Variants in COL28A1 observed in about 807,000 individuals in gnomAD.
The protein encoded by COL28A1 is collagen type XXVIII alpha 1 chain.
A neutral mutation model predicts 150.2 loss-of-function variants in COL28A1; 161 were observed. The observed-to-expected ratio is 1.07, with a 90% confidence interval of 0.94 to 1.22. The LOEUF is 1.22. Ranked by LOEUF, COL28A1 falls within the 50% of genes most tolerant of loss-of-function variation. The pLI, the probability that COL28A1 is intolerant of heterozygous loss-of-function variation, is 0.00. For synonymous variants in COL28A1, 552 were observed against 469.7 expected (o/e 1.18, Z -2.26); for missense variants, 1,617 against 1,388.3 (o/e 1.16, Z -2.62).
chr7:7,447,016 C>T (rs982350845), intron 18 of COL28A1, among the ~76,000 whole-genome samples: 3 of 152,112 alleles, frequency 2.0e-5, no homozygotes, highest in African/African-American at 7.2e-5. Context: ...GACATTGAAC[C>T]AGGAATAGTG....
At chr7:7,527,902 G>A (rs991317791) in intron 3 of COL28A1, among the ~76,000 whole-genome samples, 3 of 151,888 alleles carry the variant, frequency 2.0e-5, no homozygotes, top group Admixed American at 1.3e-4. Flanking sequence ...GTAGGCAAGG[G>A]GAACAAACCC....
chr7:7,432,463 A>G lies in COL28A1; in HGVS notation c.1998+10T>C. The G allele has an allele frequency of 3.1e-6, 5 of 1,613,474 alleles. No individual in the cohort carries two copies. The South Asian group carries it at 5.5e-5, about 18-fold the overall frequency. On this transcript the variant is annotated intron_variant, in intron 25 of 34. Coordinates refer to ENST00000399429, the MANE Select transcript of COL28A1 (RefSeq NM_001037763.3). ...TAGAAGCTAGTACGTTGCCTACTTT[A>G]AAGTCTTACCTTTGCTCCAGTGTCT...
intron 25 of COL28A1, among the ~76,000 whole-genome samples, chr7:7,428,704 T>C (rs548554820): frequency 3.3e-5 from 5 of 152,362 alleles, no homozygotes; most frequent in African/African-American, 1.2e-4. Flanking sequence ...GTGAGGACAC[T>C]GGATGAGCAC....
chr7:7,543,389 G>GT, the COL28A1 span, among the ~76,000 whole-genome samples: 6 of 152,138 alleles, frequency 3.9e-5, no homozygotes, highest in African/African-American at 1.4e-4. Flanking sequence ...CATTTTCTTA[G>GT]TTTTTTTCTT....
intron 11 of COL28A1, among the ~76,000 whole-genome samples, chr7:7,497,455 A>C (rs928527109): frequency 7.9e-5 from 12 of 152,230 alleles, no homozygotes; most frequent in Non-Finnish European, 1.5e-4. Context: ...ATAGGGAGGT[A>C]AAGTAACTTG....
intron 25 of COL28A1, among the ~76,000 whole-genome samples, chr7:7,420,942 A>G (rs1784365195): frequency 6.6e-6 from 1 of 152,260 alleles, no homozygotes; most frequent in South Asian, 2.1e-4. Context: ...TGGTGGTTTA[A>G]GGTTCAACAT....
chr7:7,339,505 T>G, the COL28A1 span, among the ~76,000 whole-genome samples: 3 of 152,168 alleles, frequency 2.0e-5, no homozygotes, highest in Admixed American at 1.3e-4. Context: ...CTCAAGTCAC[T>G]CCCTCTGGGG....
At chr7:7,520,964 T>C (rs1398315559) in intron 5 of COL28A1, among the ~76,000 whole-genome samples, 1 of 152,168 alleles carries the variant, frequency 6.6e-6, no homozygotes, top group East Asian at 1.9e-4. Context: ...GAGAAAAACA[T>C]CCCTTGATTG....
chr7:7,462,971 T>C (rs891508596), intron 15 of COL28A1, among the ~76,000 whole-genome samples: 2 of 151,938 alleles, frequency 1.3e-5, no homozygotes, highest in Non-Finnish European at 1.5e-5. Context: ...CAAGGTTTTT[T>C]AATTAATCCA....
At chr7:7,474,070 A>AATATATATAT (rs58897994) in intron 15 of COL28A1, among the ~76,000 whole-genome samples, 1 of 143,074 alleles carries the variant, frequency 7.0e-6, no homozygotes, top group Non-Finnish European at 1.5e-5. Flanking sequence ...ATATATATGG[A>AATATATATAT]ATATATATAT....
chr7:7,361,347 G>C (rs901425291), intron 33 of COL28A1, among the ~76,000 whole-genome samples: 10 of 152,106 alleles, frequency 6.6e-5, no homozygotes, highest in African/African-American at 2.2e-4. Context: ...TAATCCTTGG[G>C]TATAGACCCA....
chr7:7,527,650 T>G (rs1177661589), intron 3 of COL28A1, among the ~76,000 whole-genome samples: 1 of 152,100 alleles, frequency 6.6e-6, no homozygotes, highest in Non-Finnish European at 1.5e-5. Context: ...ATGCTTGAGT[T>G]TCAATGAAAA....
intron 20 of COL28A1, among the ~76,000 whole-genome samples, chr7:7,442,964 G>A (rs769961909): frequency 5.9e-5 from 9 of 152,050 alleles, no homozygotes; most frequent in Middle Eastern, 3.4e-3. Flanking sequence ...GAACCCGGGA[G>A]GCGGAGGTTG....
intron 13 of COL28A1, among the ~76,000 whole-genome samples, chr7:7,485,119 A>G (rs1353922128): frequency 6.6e-6 from 1 of 152,146 alleles, no homozygotes; most frequent in African/African-American, 2.4e-5. Flanking sequence ...GTACCCCTGA[A>G]CCTCAAATAA....
intron 27 of COL28A1, among the ~76,000 whole-genome samples, chr7:7,383,666 T>TTGTGTG (rs746358688): frequency 1.1e-4 from 12 of 107,368 alleles, no homozygotes; most frequent in African/African-American, 2.5e-4. Flanking sequence ...TATTTGAAAT[T>TTGTGTG]TGTGTGTGTG....
In COL28A1 at chr7:7,489,447, C is replaced by A. The variant is rs535605980; in HGVS notation, c.1106G>T (p.Gly369Val). Residue 369 changes from glycine to valine, a missense_variant, in exon 13 of 35, where the codon GGC becomes GTC. Coordinates refer to ENST00000399429, the MANE Select transcript of COL28A1 (RefSeq NM_001037763.3). ...TGGAGCTCCCGGTCTTCCTTCTTGGCCTCTTTCTCCCTAAGAGAAAGAAAT... is the reference window on the plus strand; with the variant it reads ...TGGAGCTCCCGGTCTTCCTTCTTGGACTCTTTCTCCCTAAGAGAAAGAAAT... ...IGQQGIKGER[G>V]QEGRPGAPGP... is the part of the protein sequence containing the mutation. 4 of 1,351,240 alleles carry A rather than the reference C, an allele frequency of 3.0e-6. No individual in the cohort carries two copies. In the East Asian group the frequency reaches 6.9e-5, roughly 23 times the overall value. The allele number at this position is 1,351,240 out of a possible 1,614,324, so 83.7% of individuals were successfully genotyped here.
At position 7,403,938 on chromosome 7, in the gene COL28A1, A is replaced by G. The variant is rs73347181; in HGVS notation, c.2136+13921T>C. On this transcript the variant is annotated intron_variant, in intron 27 of 34. Coordinates refer to ENST00000399429, the MANE Select transcript of COL28A1 (RefSeq NM_001037763.3). The stretch of plus-strand genomic sequence containing the variant: ...ATAAAAACCTTTTCCTAAGAAGTTA[A>G]ATGTATGTGAACTAGACTTTTGAAT... Among the ~76,000 whole-genome samples, 1,025 of 152,290 alleles carry G rather than the reference A, an allele frequency of 6.7e-3. 10 individuals are homozygous for G. The highest frequency in any genetic ancestry group is 0.023 in the African/African-American group (967 of 41,564).
rs1031919496 is a variant in COL28A1 at position 7,389,803 on chromosome 7, T to A, written c.2137-8191A>T. Among the ~76,000 whole-genome samples the A allele has an allele frequency of 8.5e-5, 13 of 152,312 alleles. 1 individual carries two copies. The highest frequency in any genetic ancestry group is 3.1e-4 in the African/African-American group (13 of 41,562). ...TCATGATTTGGCTCTGTTTGTTTGT[T>A]ATTGGTGTATAAGAATGCTTGTGAT... is the stretch of plus-strand genomic sequence containing the variant. On this transcript the variant is annotated intron_variant, in intron 27 of 34. Coordinates refer to ENST00000399429, the MANE Select transcript of COL28A1 (RefSeq NM_001037763.3).
At chr7:7,518,844 G>A (rs955894903) in intron 6 of COL28A1, among the ~76,000 whole-genome samples, 3 of 152,056 alleles carry the variant, frequency 2.0e-5, no homozygotes, top group Non-Finnish European at 4.4e-5. Context: ...ACTACTAAAG[G>A]ATATCTCATT....
Sources: gnomAD v4.1 joint callset for allele counts (sites outside exome capture counted in the v4.1 genomes callset) on GRCh38, gnomAD v4.1.1 for gene constraint, MANE v1.5 for transcripts, NCBI Gene and HGNC (gene_info 2026-07-23, HGNC 2026-07-21) for gene names.